DNAH2: variants seen among roughly 807,000 people sequenced by gnomAD.
The protein encoded by DNAH2 is dynein axonemal heavy chain 2.
In DNAH2, 323 loss-of-function variants were observed where a neutral mutation model predicts 523.5. The ratio of observed to expected loss-of-function variants is 0.62; its 90% CI spans 0.56 to 0.68. DNAH2 has a LOEUF of 0.68. Among genes scored for constraint, DNAH2 ranks in the 30% least tolerant of loss-of-function variants. The pLI is 0.00. For missense variants in DNAH2, 4,907 were observed against 5,701.5 expected, an observed-to-expected ratio of 0.86 and a Z score of 4.49; for synonymous variants, 2,093 against 2,177.4, an observed-to-expected ratio of 0.96 and a Z score of 1.08.
intron 18 of DNAH2, among the ~76,000 whole-genome samples, chr17:7,763,375 T>C (rs182254446): frequency 1.2e-4 from 18 of 152,282 alleles, no homozygotes; most frequent in African/African-American, 4.1e-4. Flanking sequence ...CTCGATCTCC[T>C]GACCTCGTGA....
In DNAH2 at chr17:7,792,735, C is replaced by T. The variant is rs1408731976; in HGVS notation, c.7224C>T (p.Asn2408=). 1 of 1,614,184 alleles carries T rather than the reference C, an allele frequency of 6.2e-7. No homozygotes were observed. The highest frequency in any genetic ancestry group is 1.1e-5 in the South Asian group (1 of 91,080). The change falls in exon 47 of 86, where the codon AAC becomes AAT. Residue 2408 remains asparagine, a synonymous_variant. Coordinates refer to ENST00000572933, the MANE Select transcript of DNAH2 (RefSeq NM_020877.5). ...ACCTGGTGAGCAGCTTGGTGGCCAA[C>T]CAGAATCCCATTCTGCTGGTGGGTC... ...YNYLVSSLVA[N]QNPILLVGPV...
intron 21 of DNAH2, among the ~76,000 whole-genome samples, chr17:7,766,008 A>T (rs778605713): frequency 1.3e-5 from 2 of 151,802 alleles, no homozygotes; most frequent in Non-Finnish European, 2.9e-5. Flanking sequence ...TGATCTCTTG[A>T]CCTTGTGATC....
In DNAH2 at chr17:7,831,770, G is replaced by A; in HGVS notation, c.12721G>A (p.Gly4241Arg). 6.2e-7 allele frequency: 1 copy of A among 1,613,048 alleles called. No homozygotes were observed. The highest frequency in any genetic ancestry group is 8.5e-7 in the Non-Finnish European group (1 of 1,179,268). Residue 4241 changes from glycine (G) to arginine (R), a missense_variant, in exon 82 of 86, where the codon GGA (glycine) becomes AGA (arginine). Gly to Arg is a moderately radical substitution (Grantham distance 125). Around this residue, in one of 3 missense-constraint regions of DNAH2, gnomAD observed 1,851 missense variants for 2,139.4 expected, o/e 0.87. Transcript: ENST00000572933. The surrounding 1 kb of genome is among the most constrained non-coding windows in gnomAD (Gnocchi z 4.2). ...TGATGCCCATGTTCCTCCGCTCTGGGGAAAGGCAAGATTATACCATTGTTG... is the reference window on the plus strand; with the variant it reads ...TGATGCCCATGTTCCTCCGCTCTGGAGAAAGGCAAGATTATACCATTGTTG... ...IFDAHVPPLWGKAYPSQKPLA... is the reference protein window; with the variant it reads ...IFDAHVPPLWRKAYPSQKPLA...
At chr17:7,783,379 G>T (rs992715915) in intron 39 of DNAH2, among the ~76,000 whole-genome samples, 1 of 152,170 alleles carries the variant, frequency 6.6e-6, no homozygotes, top group Non-Finnish European at 1.5e-5. Context: ...GCCGGGCCAG[G>T]ATGACTTTTT....
At position 7,807,706 on chromosome 17, in the gene DNAH2, C is replaced by A; in HGVS notation, c.9729+120C>A. On this transcript the variant is annotated intron_variant, in intron 63 of 85. Transcript: ENST00000572933. This position sits in a 1 kb window ranked among gnomAD's most constrained non-coding sequence, Gnocchi z 5.6. Reference sequence around the variant, plus strand: ...CCCTTCCCCATGTCCTGTGCCATTCCAGTCCTGTCTCCTTCCCACTCTGTG... The same window carrying A: ...CCCTTCCCCATGTCCTGTGCCATTCAAGTCCTGTCTCCTTCCCACTCTGTG... 1.2e-6 allele frequency: 1 copy of A among 863,682 alleles called. No homozygotes were observed. The highest frequency in any genetic ancestry group is 1.8e-6 in the Non-Finnish European group (1 of 547,994). The allele number at this position is 863,682 out of a possible 1,614,324, so 53.5% of individuals were successfully genotyped here. A position where few individuals can be genotyped will look rare whatever the true frequency, so the allele number is the denominator to read the frequency against.
chr17:7,773,007 C>T (rs1471491840), intron 28 of DNAH2, among the ~76,000 whole-genome samples: 10 of 152,152 alleles, frequency 6.6e-5, no homozygotes, highest in Non-Finnish European at 1.5e-4. Context: ...CTCCTGACCT[C>T]AAGTGATCCA....
At chr17:7,732,042 A>G (rs1431333466) in intron 4 of DNAH2, among the ~76,000 whole-genome samples, 1 of 151,978 alleles carries the variant, frequency 6.6e-6, no homozygotes, top group African/African-American at 2.4e-5. Context: ...AAAAAAAAAA[A>G]AAAAGGACAC....
Position 7,718,710 on chromosome 17 carries a change from C to T in DNAH2, c.-104C>T, listed in dbSNP as rs2074498365. The T allele has an allele frequency of 6.5e-6, 1 of 152,728 alleles. No homozygotes were observed. Among genetic ancestry groups the T allele is most frequent in the Admixed American group, 6.5e-5 (1 of 15,282 alleles). 9.5% of individuals were successfully genotyped at this position (152,728 alleles called of 1,614,324 possible). On this transcript the variant is annotated 5_prime_UTR_variant, in exon 1 of 86. Coordinates refer to ENST00000572933, the MANE Select transcript of DNAH2 (RefSeq NM_020877.5). ...GATCCTGACTGATCTTAACCATTAG[C>T]ACAGAGTTCCTCAGCCAACTCTGCT...
intron 12 of DNAH2, among the ~76,000 whole-genome samples, chr17:7,749,306 CCCAAAAAAAAAAAAAAAAAAAA>C (rs2075608200): frequency 3.1e-3 from 11 of 3,498 alleles, no homozygotes; most frequent in Admixed American, 0.012. Flanking sequence ...TAAACTCCCC[CCCAAAAAAAAAAAAAAAAAAAA>C]AAAAAAAAAA....
Position 7,823,448 on chromosome 17 carries a change from G to C in DNAH2, c.11149G>C (p.Asp3717His), listed in dbSNP as rs1391098331. ...CCTCCCCTTCTCCCACCAGGTCTTG[G>C]ATCGGGAGGGCCAAATGGACAATCC... ...NFFLRGGVVLDREGQMDNPCS... is the reference protein window; with the variant it reads ...NFFLRGGVVLHREGQMDNPCS... Residue 3717 changes from aspartate (D) to histidine (H), a missense_variant, in exon 74 of 86, where the codon GAT becomes CAT. Transcript: ENST00000572933. 2.5e-6 allele frequency: 4 copies of C among 1,613,424 alleles called. No individual in the cohort carries two copies. Among genetic ancestry groups the C allele is most frequent in the Non-Finnish European group, 3.4e-6 (4 of 1,179,892 alleles).
At chr17:7,815,686 A>G (rs535887028) in intron 63 of DNAH2, among the ~76,000 whole-genome samples, 63 of 151,932 alleles carry the variant, frequency 4.1e-4, no homozygotes, top group African/African-American at 1.4e-3. Flanking sequence ...ACACACACAT[A>G]TATGGGATCA....
rs886381327 is a variant in DNAH2, at chr17:7,821,824, C to A, written c.11142+455C>A. Among the ~76,000 whole-genome samples the A allele has an allele frequency of 2.0e-5, 3 of 152,168 alleles. No individual in the cohort carries two copies. The highest frequency in any genetic ancestry group is 7.2e-5 in the African/African-American group (3 of 41,422). On this transcript the variant is annotated intron_variant, in intron 73 of 85. Transcript: ENST00000572933. This position sits in a 1 kb window ranked among gnomAD's most constrained non-coding sequence, Gnocchi z 5.0. ...TGAGCATGGCCGGAGAAGAACACAT[C>A]CACACCGACTGGACGCGCTTTAAGT...
chr17:7,785,773 G>T (rs1231799211), intron 39 of DNAH2, among the ~76,000 whole-genome samples: 2 of 152,214 alleles, frequency 1.3e-5, no homozygotes, highest in African/African-American at 4.8e-5. Context: ...AACCAGCACA[G>T]TGCTTGGCAT....
At chr17:7,768,373 C>T in intron 24 of DNAH2, 106 bp downstream of exon 24, 2 of 1,070,858 alleles carry the variant, frequency 1.9e-6, no homozygotes, top group Non-Finnish European at 1.4e-6. Flanking sequence ...CCCTCTCTTC[C>T]CCTCTGTCCA....
At position 7,766,367 on chromosome 17, in the gene DNAH2, A is replaced by G. The variant is rs2076166534; in HGVS notation, c.3561A>G (p.Thr1187=). 6.2e-7 allele frequency: 1 copy of G among 1,613,966 alleles called. No individual in the cohort carries two copies. Among genetic ancestry groups the G allele is most frequent in the African/African-American group, 1.3e-5 (1 of 74,904 alleles). ...VGYMSALDQI[T]QVRAMLMAMR... is the part of the protein sequence containing the mutation. The stretch of plus-strand genomic sequence containing the variant: ...ACATGTCTGCCTTAGACCAGATTAC[A>G]CAAGTGCGGGCCATGCTGATGGCCA... Residue 1187 remains threonine, a synonymous_variant, in exon 22 of 86, where the codon ACA becomes ACG. Transcript: ENST00000572933.
At chr17:7,762,688 G>A (rs962456138) in intron 18 of DNAH2, among the ~76,000 whole-genome samples, 1 of 152,050 alleles carries the variant, frequency 6.6e-6, no homozygotes, top group Non-Finnish European at 1.5e-5. Flanking sequence ...GGCATTCCAT[G>A]TGGAGGAAAT....
In DNAH2 at chr17:7,766,486, T is replaced by G; in HGVS notation, c.3675+5T>G. On this transcript the variant is annotated splice_donor_5th_base_variant and intron_variant, in intron 22 of 85. Transcript: ENST00000572933. ...GACCTTCAGAACCTGGAGAAGGTGG[T>G]GTGCTGAGCAAGGACCCTGTGGTCA... is the stretch of plus-strand genomic sequence containing the variant. The G allele has an allele frequency of 6.2e-7, 1 of 1,613,500 alleles. No homozygotes were observed. The highest frequency in any genetic ancestry group is 8.5e-7 in the Non-Finnish European group (1 of 1,179,794).
intron 15 of DNAH2, 76 bp downstream of exon 15, chr17:7,759,200 C>A: frequency 6.3e-7 from 1 of 1,582,220 alleles, no homozygotes; most frequent in South Asian, 1.1e-5. Context: ...TTCTCTTGCT[C>A]CCCGACCCTT....
Position 7,760,024 on chromosome 17 carries a change from T to A in DNAH2, c.2785+86T>A. 1 of 1,590,576 alleles carries A rather than the reference T, an allele frequency of 6.3e-7. No individual in the cohort carries two copies. ...GCCAGGAGGAGAGACCAGGGCTATTTCCAGGCATACTGGGCCAGTCACCTC... is the reference window on the plus strand; with the variant it reads ...GCCAGGAGGAGAGACCAGGGCTATTACCAGGCATACTGGGCCAGTCACCTC... On this transcript the variant is annotated intron_variant, in intron 17 of 85. Transcript: ENST00000572933. The surrounding 1 kb of genome is among the most constrained non-coding windows in gnomAD (Gnocchi z 4.0).
Sources: allele counts gnomAD v4.1 joint callset (sites outside exome capture counted in the v4.1 genomes callset), GRCh38; gene constraint gnomAD v4.1.1; regional missense constraint gnomAD v4.1.1; non-coding constraint Gnocchi (gnomAD v3.1); transcripts MANE v1.5; gene names NCBI Gene and HGNC (gene_info 2026-07-23, HGNC 2026-07-21).